Variants in TAFA1 observed in about 807,000 individuals in gnomAD.
TAFA1 encodes chemokine-like protein TAFA-1.
Under a neutral mutation model 18.5 loss-of-function variants are expected in TAFA1, and 4 were observed. That is an observed-to-expected ratio of 0.22 (90% CI 0.11 to 0.49). The LOEUF is 0.49. Among genes scored for constraint, TAFA1 ranks in the 20% least tolerant of loss-of-function variants. The pLI is 0.98. For missense variants in TAFA1, 147 were observed against 169.0 expected (o/e 0.87, Z 0.72); for synonymous variants, 56 against 55.2 (o/e 1.01, Z -0.06).
intron 2 of TAFA1, among the ~76,000 whole-genome samples, chr3:68,167,274 A>C (rs1364912612): frequency 6.6e-6 from 1 of 152,216 alleles, no homozygotes; most frequent in Non-Finnish European, 1.5e-5. Context: ...CTTCAGAATC[A>C]CTGCATAAAA....
intron 2 of TAFA1, among the ~76,000 whole-genome samples, chr3:68,151,662 C>T (rs983738922): frequency 1.3e-5 from 2 of 152,170 alleles, no homozygotes; most frequent in Non-Finnish European, 2.9e-5. Flanking sequence ...TAACCCACAC[C>T]TAAGATAATT....
chr3:68,441,271 C>G (rs1057052412), intron 3 of TAFA1, among the ~76,000 whole-genome samples: 2 of 152,134 alleles, frequency 1.3e-5, no homozygotes, highest in African/African-American at 4.8e-5. Flanking sequence ...GTAAGCTGCT[C>G]TGCCACTTGG....
At chr3:68,487,269 C>G (rs989906244) in intron 3 of TAFA1, among the ~76,000 whole-genome samples, 1 of 152,142 alleles carries the variant, frequency 6.6e-6, no homozygotes, top group East Asian at 1.9e-4. Context: ...CCAGCATCAT[C>G]TTTTTTATAA....
chr3:68,184,463 GT>G (rs1490065828), intron 2 of TAFA1, among the ~76,000 whole-genome samples: 3 of 152,046 alleles, frequency 2.0e-5, no homozygotes, highest in African/African-American at 7.2e-5. Flanking sequence ...CTGTGTGCAT[GT>G]GTGTGTGTGA....
intron 2 of TAFA1, among the ~76,000 whole-genome samples, chr3:68,200,236 A>C (rs980650657): frequency 6.6e-6 from 1 of 151,648 alleles, no homozygotes; most frequent in African/African-American, 2.4e-5. Context: ...TTGATTGGAT[A>C]ATTTCTTGTT....
intron 2 of TAFA1, among the ~76,000 whole-genome samples, chr3:68,107,315 T>G (rs2065214890): frequency 6.6e-6 from 1 of 152,134 alleles, no homozygotes; most frequent in African/African-American, 2.4e-5. Flanking sequence ...GAAAACATAT[T>G]CATCCAGATA....
At chr3:68,063,071 T>G (rs1208326594) in intron 2 of TAFA1, among the ~76,000 whole-genome samples, 1 of 152,144 alleles carries the variant, frequency 6.6e-6, no homozygotes, top group Non-Finnish European at 1.5e-5. Flanking sequence ...CAGGCTCAGC[T>G]CCAGTGGATC....
At chr3:68,506,959 G>A (rs2665546) in intron 3 of TAFA1, among the ~76,000 whole-genome samples, 30,724 of 151,944 alleles carry the variant, frequency 0.2, 3,207 homozygotes, top group Middle Eastern at 0.23. Context: ...ATGGCCTCAC[G>A]CAAAGCCTGT....
intron 3 of TAFA1, among the ~76,000 whole-genome samples, chr3:68,498,846 G>A (rs571043459): frequency 6.0e-5 from 9 of 150,054 alleles, no homozygotes; most frequent in Non-Finnish European, 1.0e-4. Flanking sequence ...GGCTGCCAGC[G>A]TGATTGACTA....
chr3:68,362,750 G>C (rs1575805816), intron 2 of TAFA1, among the ~76,000 whole-genome samples: 1 of 152,052 alleles, frequency 6.6e-6, no homozygotes, highest in East Asian at 1.9e-4. Flanking sequence ...CCAAAAATCA[G>C]GGAGACAAGT....
At chr3:68,036,273 T>A (rs1379420200) in intron 2 of TAFA1, among the ~76,000 whole-genome samples, 1 of 152,002 alleles carries the variant, frequency 6.6e-6, no homozygotes, top group South Asian at 2.1e-4. Flanking sequence ...ACCCCATCTC[T>A]ACTAAAAATA....
chr3:68,040,470 C>T (rs1468451120), intron 2 of TAFA1, among the ~76,000 whole-genome samples: 1 of 152,118 alleles, frequency 6.6e-6, no homozygotes, highest in Non-Finnish European at 1.5e-5. Context: ...GACTCTGAAG[C>T]TCTAATGTAA....
At chr3:68,320,634 G>A (rs912609232) in intron 2 of TAFA1, among the ~76,000 whole-genome samples, 2 of 152,052 alleles carry the variant, frequency 1.3e-5, no homozygotes, top group African/African-American at 4.8e-5. Flanking sequence ...TGTGACCCAG[G>A]GCCAGAGGTG....
intron 2 of TAFA1, among the ~76,000 whole-genome samples, chr3:68,253,306 T>C (rs1407004782): frequency 3.9e-5 from 6 of 152,174 alleles, no homozygotes; most frequent in Non-Finnish European, 8.8e-5. Context: ...ATGAACATGC[T>C]TTTTACAATC....
intron 2 of TAFA1, among the ~76,000 whole-genome samples, chr3:68,328,004 T>C (rs2068804868): frequency 6.6e-6 from 1 of 152,186 alleles, no homozygotes. Context: ...TACATGCGTG[T>C]TAACTTTTTT....
chr3:68,073,762 C>G (rs955799442), intron 2 of TAFA1, among the ~76,000 whole-genome samples: 8 of 151,954 alleles, frequency 5.3e-5, no homozygotes, highest in Non-Finnish European at 1.2e-4. Flanking sequence ...GGAGTAGCTA[C>G]AGTAGAAAGG....
chr3:68,313,253 T>C (rs751857873), intron 2 of TAFA1, among the ~76,000 whole-genome samples: 3 of 152,182 alleles, frequency 2.0e-5, no homozygotes, highest in Non-Finnish European at 2.9e-5. Flanking sequence ...CAGTAAACAA[T>C]TACATTTGAA....
At chr3:67,995,645 T>G in the TAFA1 span, among the ~76,000 whole-genome samples, 38 of 151,938 alleles carry the variant, frequency 2.5e-4, no homozygotes, top group African/African-American at 9.2e-4. Context: ...AAACCAAGAG[T>G]AGGGAAGGCG....
chr3:68,003,675 TC>T (rs1704311820), upstream of TAFA1, among the ~76,000 whole-genome samples: 1 of 152,112 alleles, frequency 6.6e-6, no homozygotes, highest in Non-Finnish European at 1.5e-5. Flanking sequence ...GTGTTTTCCC[TC>T]CCCACCCCAG....
Sources: allele counts gnomAD v4.1 joint callset (sites outside exome capture counted in the v4.1 genomes callset), GRCh38; gene constraint gnomAD v4.1.1; transcripts MANE v1.5; gene names NCBI Gene and HGNC (gene_info 2026-07-23, HGNC 2026-07-21).